Variants in PLB1 observed in about 807,000 individuals in gnomAD.
PLB1 encodes the protein phospholipase B1.
Under a neutral mutation model 227.4 loss-of-function variants are expected in PLB1, and 242 were observed. The ratio of observed to expected loss-of-function variants is 1.06; its 90% CI spans 0.96 to 1.18. PLB1 has a LOEUF of 1.18. PLB1 is among the 50% of genes most tolerant of loss of function. The probability of loss-of-function intolerance (pLI) is 0.00; values close to 1 mark genes in which losing one functional copy is unlikely to be tolerated. For synonymous variants in PLB1, 757 were observed against 682.2 expected, an observed-to-expected ratio of 1.11 and a Z score of -1.71; for missense variants, 1,858 against 1,816.3, an observed-to-expected ratio of 1.02 and a Z score of -0.42.
intron 1 of PLB1, among the ~76,000 whole-genome samples, chr2:28,513,668 C>G (rs1668523684): frequency 6.6e-6 from 1 of 152,220 alleles, no homozygotes; most frequent in African/African-American, 2.4e-5. Context: ...CGCAGGCACA[C>G]ACACATACAC....
At chr2:28,566,941 C>A in intron 20 of PLB1, 102 bp downstream of exon 20, 1 of 1,357,586 alleles carries the variant, frequency 7.4e-7, no homozygotes, top group Non-Finnish European at 1.0e-6. Context: ...GCCCCGGCTG[C>A]AGGAGCCCGC....
At chr2:28,604,989 G>A (rs796597996) in intron 41 of PLB1, among the ~76,000 whole-genome samples, 10 of 152,306 alleles carry the variant, frequency 6.6e-5, no homozygotes, top group Admixed American at 2.0e-4. Flanking sequence ...GCCAGGCACT[G>A]TGCTTCCCAT....
rs549615315 is a variant in PLB1 at position 28,567,723 on chromosome 2, T to C, written c.1324+884T>C. ...TCCTGACTTCGTGATCTGCCCGCCTTGGCCTCCCAAAGTGCTGGGATTACA... is the reference window on the plus strand; with the variant it reads ...TCCTGACTTCGTGATCTGCCCGCCTCGGCCTCCCAAAGTGCTGGGATTACA... On this transcript the variant is annotated intron_variant, in intron 20 of 57. Transcript: ENST00000327757. 6.9e-3 allele frequency among the ~76,000 whole-genome samples: 1,046 copies of C among 152,240 alleles called. 6 individuals are homozygous for C. Among genetic ancestry groups the C allele is most frequent in the Middle Eastern group, 0.014 (4 of 294 alleles).
At position 28,639,266 on chromosome 2, in the gene PLB1, G is replaced by T. The variant is rs552910568; in HGVS notation, c.4099-1661G>T. 1.5e-3 allele frequency among the ~76,000 whole-genome samples: 230 copies of T among 152,048 alleles called. 1 individual carries two copies. The highest frequency in any genetic ancestry group is 2.7e-3 in the South Asian group (13 of 4,822). On this transcript the variant is annotated intron_variant, in intron 56 of 57. Transcript: ENST00000327757. ...GTGTCCAGAGAGCTAAGAGAAGTCA[G>T]TGTTTCAAGAGAGACAGAGCTGTCA...
intron 38 of PLB1, 82 bp downstream of exon 38, chr2:28,602,046 A>C: frequency 7.6e-7 from 1 of 1,310,942 alleles, no homozygotes. Flanking sequence ...ATGAGAGAAG[A>C]ACCCCTTTCT....
Position 28,632,042 on chromosome 2 carries a change from ATC to A in PLB1, c.3907_3908del (p.Ser1303GlnfsTer12). The A allele has an allele frequency of 6.2e-7, 1 of 1,613,650 alleles. No individual in the cohort carries two copies. The highest frequency in any genetic ancestry group is 8.5e-7 in the Non-Finnish European group (1 of 1,179,640). On this transcript the variant is annotated frameshift_variant, in exon 55 of 58. Coordinates refer to ENST00000327757, the MANE Select transcript of PLB1 (RefSeq NM_153021.5). LOFTEE classifies it high-confidence loss of function. Reference protein sequence around the residue: ...KKVNWNLQHGISSFSYWHQYT... With the variant: ...KKVNWNLQHGXSSFSYWHQYT... ...CTTCTCTCTCTGTCCCCAGCATGGC[ATC>A]TCCAGTTTCTCCTACTGGCACCAAT...
rs921986852 is a variant in PLB1 at position 28,628,881 on chromosome 2, G to C, written c.3727-213G>C. On this transcript the variant is annotated intron_variant, in intron 52 of 57. Transcript: ENST00000327757. ...GGTTTGCGCCCAGCACTGTGGCTTC[G>C]GGCAAGTGACTTCCCTGTGTCTCAG... Among the ~76,000 whole-genome samples the C allele has an allele frequency of 4.5e-4, 68 of 152,156 alleles. 1 individual carries two copies. The highest frequency in any genetic ancestry group is 7.4e-5 in the Non-Finnish European group (5 of 68,026).
At chr2:28,638,812 T>A (rs1573614567) in intron 56 of PLB1, among the ~76,000 whole-genome samples, 1 of 117,858 alleles carries the variant, frequency 8.5e-6, no homozygotes, top group Non-Finnish European at 1.6e-5. Flanking sequence ...ACAGAGGAAG[T>A]CAAGGCTGGA....
At chr2:28,609,132 G>A (rs1367078672) in intron 43 of PLB1, among the ~76,000 whole-genome samples, 1 of 152,078 alleles carries the variant, frequency 6.6e-6, no homozygotes. Context: ...TTTTGCTCAG[G>A]CTGATTTTGA....
Position 28,582,133 on chromosome 2 carries a change from G to T in PLB1, c.1632G>T (p.Glu544Asp), listed in dbSNP as rs146417418. ...IGKALDILHAEVPRAFVNLVT... is the reference protein window; with the variant it reads ...IGKALDILHADVPRAFVNLVT... Reference sequence around the variant, plus strand: ...AGGCCCTGGACATCCTCCATGCTGAGGTACGGAGGCTAGGCCATGAGGCCT... The same window carrying T: ...AGGCCCTGGACATCCTCCATGCTGATGTACGGAGGCTAGGCCATGAGGCCT... The change falls in exon 24 of 58, where the codon GAG becomes GAT. Residue 544 changes from glutamate (E) to aspartate (D), a missense_variant and splice_region_variant. Glu to Asp is a conservative substitution (Grantham distance 45). Transcript: ENST00000327757. 6.2e-7 allele frequency: 1 copy of T among 1,613,414 alleles called. No individual in the cohort carries two copies. Among genetic ancestry groups the T allele is most frequent in the Non-Finnish European group, 8.5e-7 (1 of 1,179,338 alleles).
intron 46 of PLB1, 63 bp downstream of exon 46, chr2:28,618,462 C>T (rs1686511211): frequency 6.6e-7 from 1 of 1,524,168 alleles, no homozygotes; most frequent in Admixed American, 1.7e-5. Context: ...TGCGCAGAAT[C>T]TGTGCTTCCC....
At chr2:28,496,288 G>A (rs1253818834) in intron 1 of PLB1, 119 bp downstream of exon 1, 31 of 1,028,232 alleles carry the variant, frequency 3.0e-5, no homozygotes, top group East Asian at 2.3e-4. Context: ...AGCACAAAGC[G>A]TACAGTTCAA....
At position 28,547,118 on chromosome 2, in the gene PLB1, C is replaced by T. The variant is rs147761676; in HGVS notation, c.937-1742C>T. 5.8e-4 allele frequency among the ~76,000 whole-genome samples: 86 copies of T among 149,398 alleles called. 1 individual carries two copies. The highest frequency in any genetic ancestry group is 1.0e-3 in the Non-Finnish European group (68 of 67,698). On this transcript the variant is annotated intron_variant, in intron 14 of 57. Coordinates refer to ENST00000327757, the MANE Select transcript of PLB1 (RefSeq NM_153021.5). The stretch of plus-strand genomic sequence containing the variant: ...CGGGAAGCTGAGGTGGGAGAATCAC[C>T]GGAGCTCAGGAAGTCAAGGCTGCAA...
chr2:28,529,780 G>T lies in PLB1; in HGVS notation c.468+1G>T, dbSNP rs1042797025. ...GGTGAGAAACATGAAAGAGAACCTGGTAAGCATCCGTCCAACTCTGGCATG... is the reference window on the plus strand; with the variant it reads ...GGTGAGAAACATGAAAGAGAACCTGTTAAGCATCCGTCCAACTCTGGCATG... On this transcript the variant is annotated splice_donor_variant, in intron 8 of 57. Transcript: ENST00000327757. LOFTEE classifies it high-confidence loss of function. 2.5e-6 allele frequency: 4 copies of T among 1,613,986 alleles called. No individual in the cohort carries two copies. Among genetic ancestry groups the T allele is most frequent in the Non-Finnish European group, 3.4e-6 (4 of 1,179,910 alleles).
chr2:28,608,961 C>T (rs1311007259), intron 43 of PLB1, among the ~76,000 whole-genome samples: 1 of 152,146 alleles, frequency 6.6e-6, no homozygotes, highest in Non-Finnish European at 1.5e-5. Context: ...GTCTCCCAGG[C>T]TGGAAGTGCA....
chr2:28,544,381 A>G (rs1672923237), intron 14 of PLB1, among the ~76,000 whole-genome samples: 1 of 152,194 alleles, frequency 6.6e-6, no homozygotes, highest in Non-Finnish European at 1.5e-5. Context: ...CAGGGAGAGG[A>G]GGGCTGATGA....
At chr2:28,586,477 T>A (rs1455549560) in intron 26 of PLB1, among the ~76,000 whole-genome samples, 1 of 152,086 alleles carries the variant, frequency 6.6e-6, no homozygotes, top group Non-Finnish European at 1.5e-5. Context: ...GCAAAAAGTT[T>A]CTCCCCAACA....
rs1670326306 is a variant in PLB1 at position 28,526,851 on chromosome 2, A to G, written c.325+906A>G. 2.6e-5 allele frequency among the ~76,000 whole-genome samples: 4 copies of G among 152,340 alleles called. No individual in the cohort carries two copies. In the South Asian group the frequency reaches 8.3e-4, roughly 32 times the overall value. On this transcript the variant is annotated intron_variant, in intron 6 of 57. Coordinates refer to ENST00000327757, the MANE Select transcript of PLB1 (RefSeq NM_153021.5). ...TTCCCTGGAAAGCACAGGGATGAAC[A>G]GGATGCTGGCCCTGCCTTACAGAAC...
At chr2:28,503,178 G>T (rs1414054240) in intron 1 of PLB1, among the ~76,000 whole-genome samples, 1 of 151,242 alleles carries the variant, frequency 6.6e-6, no homozygotes, top group African/African-American at 2.4e-5. Flanking sequence ...TTTTGAGAAA[G>T]GTCTAACTCT....
Sources: gnomAD v4.1 joint callset for allele counts (sites outside exome capture counted in the v4.1 genomes callset) on GRCh38, gnomAD v4.1.1 for gene constraint, MANE v1.5 for transcripts, NCBI Gene and HGNC (gene_info 2026-07-23, HGNC 2026-07-21) for gene names.